The following ITPR1 variants were observed in gnomAD, a reference collection of about 807,000 sequenced individuals.
ITPR1 encodes inositol 1,4,5-trisphosphate receptor type 1.
In ITPR1, 96 loss-of-function variants were observed where a neutral mutation model predicts 318.4. The ratio of observed to expected loss-of-function variants is 0.30; its 90% CI spans 0.26 to 0.36. The LOEUF is 0.36. Among genes scored for constraint, ITPR1 ranks in the 10% least tolerant of loss-of-function variants. ITPR1 has a pLI of 1.00. For synonymous variants in ITPR1, 1,312 were observed against 1,289.9 expected (o/e 1.02, Z -0.37); for missense variants, 2,440 against 3,460.2 (o/e 0.71, Z 7.40).
At chr3:4,822,592 C>T (rs1445728009) in intron 60 of ITPR1, among the ~76,000 whole-genome samples, 1 of 152,158 alleles carries the variant, frequency 6.6e-6, no homozygotes, top group Non-Finnish European at 1.5e-5. Flanking sequence ...GTAGAGCTTT[C>T]ATTGATTTGG....
intron 2 of ITPR1, among the ~76,000 whole-genome samples, chr3:4,513,297 A>G (rs2081965772): frequency 6.6e-6 from 1 of 152,048 alleles, no homozygotes; most frequent in South Asian, 2.1e-4. Flanking sequence ...ATTGCACTAA[A>G]ACCTATCCTC....
chr3:4,537,400 A>T (rs889638319), intron 4 of ITPR1, among the ~76,000 whole-genome samples: 2 of 152,196 alleles, frequency 1.3e-5, no homozygotes, highest in African/African-American at 4.8e-5. Flanking sequence ...TCAAATCTAT[A>T]GTCTCCTTGT....
intron 4 of ITPR1, among the ~76,000 whole-genome samples, chr3:4,532,989 G>A (rs559012353): frequency 3.3e-5 from 5 of 152,346 alleles, no homozygotes; most frequent in South Asian, 4.1e-4. Flanking sequence ...ACAGAGGTTA[G>A]ATGGATGATT....
chr3:4,602,159 A>G (rs954116332), intron 4 of ITPR1, among the ~76,000 whole-genome samples: 2 of 152,236 alleles, frequency 1.3e-5, no homozygotes, highest in Admixed American at 6.5e-5. Flanking sequence ...TAGAGTTACT[A>G]TATGATTCAG....
rs564010986 is a variant in ITPR1, at chr3:4,515,680, T to G, written c.-16-796T>G. On this transcript the variant is annotated intron_variant, in intron 2 of 61. Transcript: ENST00000649015. ...GATATTTATGTGTGTGTATGTGTGT[T>G]TAATGATTTCTGAGCTATGTAGAGA... Among the ~76,000 whole-genome samples, 8 of 152,306 alleles carry G rather than the reference T, an allele frequency of 5.3e-5. No individual in the cohort carries two copies. The South Asian group carries it at 1.7e-3, about 32-fold the overall frequency.
intron 4 of ITPR1, among the ~76,000 whole-genome samples, chr3:4,579,800 T>C (rs1018082098): frequency 6.6e-6 from 1 of 152,236 alleles, no homozygotes; most frequent in Non-Finnish European, 1.5e-5. Flanking sequence ...TTTGTGGGAC[T>C]GTTCTCCTTC....
intron 4 of ITPR1, among the ~76,000 whole-genome samples, chr3:4,595,336 C>CGA (rs958270749): frequency 9.2e-5 from 14 of 151,954 alleles, no homozygotes; most frequent in African/African-American, 3.4e-4. Flanking sequence ...AGAGTGGGAG[C>CGA]GAGAGAGAGA....
Position 4,710,450 on chromosome 3 carries a change from T to C in ITPR1, c.4968T>C (p.Cys1656=), listed in dbSNP as rs1345459380. 6.4e-7 allele frequency: 1 copy of C among 1,553,934 alleles called. No homozygotes were observed. The highest frequency in any genetic ancestry group is 1.4e-5 in the African/African-American group (1 of 73,190). The change falls in exon 38 of 62, where the codon TGT becomes TGC. Residue 1656 remains cysteine, a synonymous_variant. Coordinates refer to ENST00000649015, the MANE Select transcript of ITPR1 (RefSeq NM_001378452.1). The surrounding 1 kb of genome is among the most constrained non-coding windows in gnomAD (Gnocchi z 4.2). The part of the protein sequence containing the change: ...FPENTDARRK[C]ESGGFICKLI... ...AGAACACAGACGCCAGAAGGAAATG[T>C]GAAAGTGGCGGTTTCATTTGCAAGT...
chr3:4,501,262 T>C (rs933876712), intron 2 of ITPR1, among the ~76,000 whole-genome samples: 5 of 152,202 alleles, frequency 3.3e-5, no homozygotes, highest in African/African-American at 1.2e-4. Flanking sequence ...CAAAATTCTT[T>C]GTCTCACATA....
At chr3:4,636,569 C>T (rs1250259942) in intron 5 of ITPR1, among the ~76,000 whole-genome samples, 1 of 152,134 alleles carries the variant, frequency 6.6e-6, no homozygotes, top group Non-Finnish European at 1.5e-5. Context: ...GCTGGGACTA[C>T]AGGCGCCCGC....
At chr3:4,739,361 G>A (rs2043530796) in intron 44 of ITPR1, among the ~76,000 whole-genome samples, 1 of 152,200 alleles carries the variant, frequency 6.6e-6, no homozygotes, top group Non-Finnish European at 1.5e-5. Context: ...AAATGGGTCT[G>A]TGGTCAGCTG....
intron 60 of ITPR1, among the ~76,000 whole-genome samples, chr3:4,834,905 G>C (rs1426915575): frequency 6.6e-6 from 1 of 152,198 alleles, no homozygotes; most frequent in Non-Finnish European, 1.5e-5. Flanking sequence ...GGAAGGTAGA[G>C]ATTGCCATTT....
intron 60 of ITPR1, among the ~76,000 whole-genome samples, chr3:4,824,733 C>T (rs1170864668): frequency 6.6e-6 from 1 of 152,124 alleles, no homozygotes; most frequent in East Asian, 1.9e-4. Context: ...ATGCATAAAT[C>T]AGTAAGACAG....
chr3:4,592,692 A>G (rs2090486633), intron 4 of ITPR1, among the ~76,000 whole-genome samples: 1 of 151,828 alleles, frequency 6.6e-6, no homozygotes, highest in South Asian at 2.1e-4. Context: ...ATCGTCTGCA[A>G]CTCTGGATTT....
intron 4 of ITPR1, among the ~76,000 whole-genome samples, chr3:4,567,961 G>C (rs754108844): frequency 6.9e-6 from 1 of 145,342 alleles, no homozygotes; most frequent in Non-Finnish European, 1.5e-5. Flanking sequence ...AACACTCCCA[G>C]TAAGTCACGT....
intron 4 of ITPR1, among the ~76,000 whole-genome samples, chr3:4,545,699 T>G (rs1029225546): frequency 2.0e-5 from 3 of 149,466 alleles, no homozygotes; most frequent in Admixed American, 1.3e-4. Context: ...AACTTTTTTT[T>G]TTTTTTTTTT....
At chr3:4,737,643 G>A (rs2043372975) in intron 44 of ITPR1, among the ~76,000 whole-genome samples, 1 of 152,212 alleles carries the variant, frequency 6.6e-6, no homozygotes, top group South Asian at 2.1e-4. Flanking sequence ...TATACACCTG[G>A]CAGTAGAGGA....
chr3:4,544,421 T>C (rs929221867), intron 4 of ITPR1, among the ~76,000 whole-genome samples: 3 of 152,210 alleles, frequency 2.0e-5, no homozygotes, highest in African/African-American at 4.8e-5. Flanking sequence ...CAAGCAACCA[T>C]ACGTATTCAC....
chr3:4,799,257 A>G (rs760328399), intron 53 of ITPR1, among the ~76,000 whole-genome samples: 2 of 152,232 alleles, frequency 1.3e-5, no homozygotes, highest in African/African-American at 2.4e-5. Context: ...CACGATGTCT[A>G]ACAATTGTTA....
Sources: allele counts gnomAD v4.1 joint callset (sites outside exome capture counted in the v4.1 genomes callset), GRCh38; gene constraint gnomAD v4.1.1; non-coding constraint Gnocchi (gnomAD v3.1); transcripts MANE v1.5; gene names NCBI Gene and HGNC (gene_info 2026-07-23, HGNC 2026-07-21).